Variants in NLGN1 observed in about 807,000 individuals in gnomAD.
NLGN1 encodes neuroligin 1.
NLGN1 carries 12 observed loss-of-function variants against 65.5 expected under a neutral mutation model. That is an observed-to-expected ratio of 0.18 (90% CI 0.12 to 0.30). The LOEUF (loss-of-function observed/expected upper bound fraction) is 0.30. Ranked by LOEUF, NLGN1 falls within the 10% of genes least tolerant of loss-of-function variation. The pLI is 1.00. For synonymous variants in NLGN1, 350 were observed against 359.5 expected, an observed-to-expected ratio of 0.97 and a Z score of 0.30; for missense variants, 750 against 1,007.1, an observed-to-expected ratio of 0.74 and a Z score of 3.46.
chr3:173,617,289 A>G, intron 3 of NLGN1, among the ~76,000 whole-genome samples: 1 of 152,128 alleles, frequency 6.6e-6, no homozygotes, highest in African/African-American at 2.4e-5. Context: ...TATTTTGTTC[A>G]TTTATGTGCT....
chr3:173,594,475 G>C (rs990070182), intron 2 of NLGN1, among the ~76,000 whole-genome samples: 2 of 152,240 alleles, frequency 1.3e-5, no homozygotes, highest in Non-Finnish European at 2.9e-5. Context: ...CTCTACCCCT[G>C]TGGCTTTGCA....
chr3:173,829,783 A>T (rs1321146984), intron 4 of NLGN1, among the ~76,000 whole-genome samples: 1 of 152,042 alleles, frequency 6.6e-6, no homozygotes, highest in African/African-American at 2.4e-5. Context: ...TTTCATTCAC[A>T]TTTTTGCTGA....
At chr3:174,034,063 G>A (rs1160361599) in intron 4 of NLGN1, among the ~76,000 whole-genome samples, 1 of 152,000 alleles carries the variant, frequency 6.6e-6, no homozygotes, top group Non-Finnish European at 1.5e-5. Flanking sequence ...CTAGAAAGAA[G>A]CCAGAGAGAA....
intron 3 of NLGN1, among the ~76,000 whole-genome samples, chr3:173,677,951 A>G (rs1209117352): frequency 2.0e-5 from 3 of 152,140 alleles, no homozygotes; most frequent in Non-Finnish European, 4.4e-5. Flanking sequence ...ACGTAGTGTC[A>G]TATAATTTAA....
At chr3:173,885,152 A>G (rs1734098883) in intron 4 of NLGN1, among the ~76,000 whole-genome samples, 1 of 152,180 alleles carries the variant, frequency 6.6e-6, no homozygotes, top group Non-Finnish European at 1.5e-5. Flanking sequence ...CTATCTCCAT[A>G]GATCTGAGGG....
intron 1 of NLGN1, among the ~76,000 whole-genome samples, chr3:173,430,633 C>A (rs1717005314): frequency 6.6e-6 from 1 of 152,146 alleles, no homozygotes; most frequent in Non-Finnish European, 1.5e-5. Context: ...ACTTTATCCC[C>A]AATATAGGAG....
rs117334394 is a variant in NLGN1 at position 173,825,176 on chromosome 3, A to C, written c.646+17344A>C. 1.8e-4 allele frequency among the ~76,000 whole-genome samples: 27 copies of C among 152,196 alleles called. No homozygotes were observed. The East Asian group carries it at 5.2e-3, about 29-fold the overall frequency. On this transcript the variant is annotated intron_variant, in intron 4 of 6. Transcript: ENST00000457714. Reference sequence around the variant, plus strand: ...CATTCACTTTATAAGAATTCAGGTTATGCTTTTTTAAATTTTTGGCTATGA... The same window carrying C: ...CATTCACTTTATAAGAATTCAGGTTCTGCTTTTTTAAATTTTTGGCTATGA...
At chr3:173,473,329 A>G (rs1725615063) in intron 2 of NLGN1, among the ~76,000 whole-genome samples, 1 of 152,238 alleles carries the variant, frequency 6.6e-6, no homozygotes, top group Admixed American at 6.5e-5. Flanking sequence ...GAGTAATGAA[A>G]CATAACTTCA....
chr3:173,903,671 G>C (rs2152191187), intron 4 of NLGN1, among the ~76,000 whole-genome samples: 1 of 152,262 alleles, frequency 6.6e-6, no homozygotes, highest in African/African-American at 2.4e-5. Flanking sequence ...ACAGAATATA[G>C]AAGAGAGGGT....
intron 4 of NLGN1, among the ~76,000 whole-genome samples, chr3:173,859,235 A>G (rs1453623824): frequency 2.0e-5 from 3 of 152,238 alleles, no homozygotes; most frequent in South Asian, 4.1e-4. Flanking sequence ...TATTTTGAAC[A>G]TCTTTTAATA....
chr3:174,192,704 A>C (rs1445310664), intron 4 of NLGN1, among the ~76,000 whole-genome samples: 1 of 152,156 alleles, frequency 6.6e-6, no homozygotes, highest in Non-Finnish European at 1.5e-5. Flanking sequence ...ATATAGCATC[A>C]TGAGTTCCCC....
chr3:173,701,307 G>A (rs1018853506), intron 3 of NLGN1, among the ~76,000 whole-genome samples: 20 of 152,264 alleles, frequency 1.3e-4, no homozygotes, highest in African/African-American at 4.6e-4. Flanking sequence ...ACATTATCCT[G>A]GATTATCTGG....
intron 4 of NLGN1, among the ~76,000 whole-genome samples, chr3:174,108,942 A>AAT (rs1714586351): frequency 6.6e-6 from 1 of 151,946 alleles, no homozygotes; most frequent in African/African-American, 2.4e-5. Flanking sequence ...GTGTATGTGA[A>AAT]ATATATATAG....
intron 3 of NLGN1, among the ~76,000 whole-genome samples, chr3:173,695,962 C>T (rs1191485793): frequency 6.6e-6 from 1 of 152,150 alleles, no homozygotes; most frequent in East Asian, 1.9e-4. Context: ...CAGGTGTGAG[C>T]CACCATGTCT....
At chr3:174,288,724 C>G (rs1340134129), downstream of NLGN1, among the ~76,000 whole-genome samples, 1 of 151,440 alleles carries the variant, frequency 6.6e-6, no homozygotes, top group Non-Finnish European at 1.5e-5. Flanking sequence ...ATAATAAACA[C>G]TTACGTATAG....
At chr3:173,511,809 A>G (rs898605142) in intron 2 of NLGN1, among the ~76,000 whole-genome samples, 2 of 152,062 alleles carry the variant, frequency 1.3e-5, no homozygotes, top group Non-Finnish European at 2.9e-5. Context: ...TAGAATTTTC[A>G]TCTCTCTGCT....
At position 173,415,943 on chromosome 3, in the gene NLGN1, A is replaced by AGCGAGC. The variant is rs1553844364; in HGVS notation, c.-390+17458_-390+17459insGAGCGC. 7.8e-3 allele frequency among the ~76,000 whole-genome samples: 1,116 copies of AGCGAGC among 142,670 alleles called. 12 individuals carry two copies. The highest frequency in any genetic ancestry group is 0.016 in the South Asian group (71 of 4,404). The allele number at this position is 142,670 out of a possible 152,430, so 93.6% of individuals were successfully genotyped here. On this transcript the variant is annotated intron_variant, in intron 1 of 6. Coordinates refer to ENST00000457714, the Ensembl canonical transcript of NLGN1. ...GGGAGAGAGAGAGAGAGAGAGAGAG[A>AGCGAGC]GCTTGGTATAGAGCCTAACACACAA...
At chr3:174,108,609 G>A (rs972714475) in intron 4 of NLGN1, among the ~76,000 whole-genome samples, 3 of 152,110 alleles carry the variant, frequency 2.0e-5, no homozygotes, top group African/African-American at 7.2e-5. Context: ...GCATTGACAA[G>A]TGGAGATTTA....
At chr3:174,233,759 T>TA (rs1388565983) in intron 4 of NLGN1, among the ~76,000 whole-genome samples, 2 of 152,062 alleles carry the variant, frequency 1.3e-5, no homozygotes, top group Admixed American at 6.5e-5. Context: ...AGAATTGACT[T>TA]AAAGATGTGG....
Sources: allele counts gnomAD v4.1 joint callset (sites outside exome capture counted in the v4.1 genomes callset), GRCh38; gene constraint gnomAD v4.1.1; transcripts MANE v1.5; gene names NCBI Gene and HGNC (gene_info 2026-07-23, HGNC 2026-07-21).